Variants in RPAP3 observed in about 807,000 individuals in gnomAD.
RPAP3 encodes RNA polymerase II-associated protein 3.
RPAP3 carries 58 observed loss-of-function variants against 88.8 expected under a neutral mutation model. That is an observed-to-expected ratio of 0.65 (90% CI 0.53 to 0.81). The LOEUF (loss-of-function observed/expected upper bound fraction) is 0.81, where lower values mean the gene tolerates loss of function less well. Ranked by LOEUF, RPAP3 falls within the 40% of genes least tolerant of loss-of-function variation. RPAP3 has a pLI of 0.00. For synonymous variants in RPAP3, 255 were observed against 259.9 expected (o/e 0.98, Z 0.18); for missense variants, 751 against 764.3 (o/e 0.98, Z 0.20).
chr12:47,674,679 G>C (rs1024569381), intron 12 of RPAP3, among the ~76,000 whole-genome samples: 1 of 151,328 alleles, frequency 6.6e-6, no homozygotes, highest in South Asian at 2.1e-4. Context: ...GAAATAAAGC[G>C]ACAAGACAAG....
intron 16 of RPAP3, among the ~76,000 whole-genome samples, chr12:47,666,130 C>A (rs2136603841): frequency 6.6e-6 from 1 of 151,940 alleles, no homozygotes; most frequent in South Asian, 2.1e-4. Flanking sequence ...AAAAAAGACA[C>A]ACTGGTATGT....
intron 5 of RPAP3, among the ~76,000 whole-genome samples, chr12:47,692,240 T>C (rs1019366115): frequency 7.9e-5 from 12 of 152,350 alleles, no homozygotes; most frequent in Admixed American, 7.8e-4. Flanking sequence ...AGACTGTCCT[T>C]TGAAGCCAGG....
chr12:47,673,127 C>A (rs1939033972), intron 12 of RPAP3, among the ~76,000 whole-genome samples: 1 of 152,048 alleles, frequency 6.6e-6, no homozygotes. Flanking sequence ...ACACAACACA[C>A]ACAACCAGTA....
At chr12:47,675,186 C>T (rs1477425883) in intron 12 of RPAP3, among the ~76,000 whole-genome samples, 1 of 152,146 alleles carries the variant, frequency 6.6e-6, no homozygotes, top group Non-Finnish European at 1.5e-5. Context: ...CCTTTACAGA[C>T]AAGCAAATGC....
rs1278476345 is a variant in RPAP3, at chr12:47,662,445, A to C, written c.*1060T>G. 2.0e-5 allele frequency: 3 copies of C among 152,226 alleles called. No individual in the cohort carries two copies. Among genetic ancestry groups the C allele is most frequent in the Non-Finnish European group, 2.9e-5 (2 of 68,042 alleles). The allele number at this position is 152,226 out of a possible 1,614,324, so 9.4% of individuals were successfully genotyped here. A position where few individuals can be genotyped will look rare whatever the true frequency, so the allele number is the denominator to read the frequency against. ...TCTCAAACAATTCATAAGAATAGTA[A>C]TATGTATAATGGCAATAAAAATTAA... On this transcript the variant is annotated 3_prime_UTR_variant, in exon 17 of 17. Transcript: ENST00000005386.
chr12:47,686,244 T>C (rs1003912084), intron 9 of RPAP3, among the ~76,000 whole-genome samples: 1 of 152,216 alleles, frequency 6.6e-6, no homozygotes, highest in African/African-American at 2.4e-5. Context: ...CTGGTTAATA[T>C]AGGATCAAAT....
intron 5 of RPAP3, among the ~76,000 whole-genome samples, chr12:47,693,060 T>C (rs1395903537): frequency 6.6e-6 from 1 of 152,140 alleles, no homozygotes; most frequent in African/African-American, 2.4e-5. Context: ...TTTGTATTTT[T>C]AGTAGAGACA....
chr12:47,696,207 C>CT (rs1157821928), intron 5 of RPAP3, 69 bp downstream of exon 5: 60 of 1,300,886 alleles, frequency 4.6e-5, no homozygotes, highest in South Asian at 6.9e-5. Context: ...TTATTCCACA[C>CT]TTTTTTTTAA....
At chr12:47,671,088 C>A (rs941473830) in intron 12 of RPAP3, among the ~76,000 whole-genome samples, 2 of 152,042 alleles carry the variant, frequency 1.3e-5, no homozygotes, top group African/African-American at 2.4e-5. Context: ...AAATGGCTTT[C>A]ATTGTTTATC....
At chr12:47,680,340 A>G (rs752385263) in intron 10 of RPAP3, among the ~76,000 whole-genome samples, 1 of 152,288 alleles carries the variant, frequency 6.6e-6, no homozygotes, top group East Asian at 1.9e-4. Context: ...ATAGAGTTTT[A>G]GAATGGGATG....
At position 47,664,392 on chromosome 12, in the gene RPAP3, A is replaced by AAAAT. The variant is rs565937976; in HGVS notation, c.1913-806_1913-803dup. ...GCGACAGAGCGAGACTCCATCTCAA[A>AAAAT]AAATAAATAAATAAATAAATAAGAT... On this transcript the variant is annotated intron_variant, in intron 16 of 16. Transcript: ENST00000005386. Among the ~76,000 whole-genome samples the AAAAT allele has an allele frequency of 4.9e-3, 753 of 152,232 alleles. 7 individuals carry two copies. The highest frequency in any genetic ancestry group is 0.017 in the African/African-American group (699 of 41,518).
At chr12:47,692,326 G>C (rs907957856) in intron 5 of RPAP3, among the ~76,000 whole-genome samples, 1 of 152,246 alleles carries the variant, frequency 6.6e-6, no homozygotes, top group African/African-American at 2.4e-5. Context: ...CTGAAAATGT[G>C]TGTGTTGTTT....
chr12:47,678,528 C>T (rs1939160759), intron 12 of RPAP3, among the ~76,000 whole-genome samples: 2 of 152,060 alleles, frequency 1.3e-5, no homozygotes, highest in Admixed American at 6.6e-5. Flanking sequence ...CCAGAATCTA[C>T]AAAGAACTCA....
chr12:47,686,271 A>G (rs1027159727), intron 9 of RPAP3, among the ~76,000 whole-genome samples: 1 of 152,224 alleles, frequency 6.6e-6, no homozygotes, highest in Non-Finnish European at 1.5e-5. Flanking sequence ...TACATATGTT[A>G]TTAATCAGCA....
intron 5 of RPAP3, among the ~76,000 whole-genome samples, chr12:47,691,994 C>G (rs966165799): frequency 3.9e-5 from 6 of 152,170 alleles, no homozygotes; most frequent in African/African-American, 1.2e-4. Context: ...ATCTGCCCGC[C>G]TCGGCCTCCC....
chr12:47,686,148 T>C (rs1052852964), intron 9 of RPAP3, among the ~76,000 whole-genome samples: 2 of 152,196 alleles, frequency 1.3e-5, no homozygotes, highest in African/African-American at 4.8e-5. Flanking sequence ...CTGTAAAGTA[T>C]AACAAGAGAA....
intron 3 of RPAP3, among the ~76,000 whole-genome samples, chr12:47,700,887 GCA>G (rs1383855309): frequency 6.6e-6 from 1 of 152,264 alleles, no homozygotes; most frequent in Non-Finnish European, 1.5e-5. Context: ...AAAGACATCT[GCA>G]CAGTCATTCT....
intron 12 of RPAP3, among the ~76,000 whole-genome samples, chr12:47,673,151 G>A (rs758091629): frequency 5.3e-5 from 8 of 151,946 alleles, no homozygotes; most frequent in Non-Finnish European, 1.2e-4. Context: ...CCAAGAATAC[G>A]GTCGTAATAG....
At chr12:47,695,639 CCCT>C (rs1352809247) in intron 5 of RPAP3, among the ~76,000 whole-genome samples, 1 of 151,636 alleles carries the variant, frequency 6.6e-6, no homozygotes, top group Non-Finnish European at 1.5e-5. Flanking sequence ...GTAAATATTC[CCCT>C]AATTTTTAGA....
Sources: allele counts gnomAD v4.1 joint callset (sites outside exome capture counted in the v4.1 genomes callset), GRCh38; gene constraint gnomAD v4.1.1; transcripts MANE v1.5; gene names NCBI Gene and HGNC (gene_info 2026-07-23, HGNC 2026-07-21).